Variants in ATP11A observed in about 807,000 individuals in gnomAD.
ATP11A encodes ATPase phospholipid transporting 11A, also known as phospholipid-transporting ATPase IH.
A neutral mutation model predicts 154.4 loss-of-function variants in ATP11A; 81 were observed. That is an observed-to-expected ratio of 0.52 (90% confidence interval 0.44 to 0.63). The LOEUF (loss-of-function observed/expected upper bound fraction) is 0.63. Ranked by LOEUF, ATP11A falls within the 30% of genes least tolerant of loss-of-function variation. The pLI, the probability that ATP11A is intolerant of heterozygous loss-of-function variation, is 0.00. For synonymous variants in ATP11A, 623 were observed against 585.9 expected, an observed-to-expected ratio of 1.06 and a Z score of -0.91; for missense variants, 1,316 against 1,474.3, an observed-to-expected ratio of 0.89 and a Z score of 1.76.
chr13:112,765,836 A>G (rs946722954), intron 1 of ATP11A, among the ~76,000 whole-genome samples: 8 of 152,242 alleles, frequency 5.3e-5, no homozygotes, highest in Non-Finnish European at 1.2e-4. Context: ...CCAACAATAC[A>G]AACGATTTTC....
intron 18 of ATP11A, among the ~76,000 whole-genome samples, chr13:112,852,121 A>G (rs2079784159): frequency 6.6e-6 from 1 of 152,154 alleles, no homozygotes; most frequent in African/African-American, 2.4e-5. Flanking sequence ...TCTGGTCCAC[A>G]TGGTGCCTTC....
chr13:112,880,953 C>T, intron 29 of ATP11A: 1 of 992,468 alleles, frequency 1.0e-6, no homozygotes, highest in Non-Finnish European at 1.2e-6. Context: ...TCGGGGGACA[C>T]AGCTTCACTT....
At chr13:112,854,614 G>A (rs2079870993) in intron 19 of ATP11A, 84 bp downstream of exon 19, 1 of 1,479,878 alleles carries the variant, frequency 6.8e-7, no homozygotes, top group Non-Finnish European at 9.1e-7. Flanking sequence ...AAGTCGGGGA[G>A]CCGCATTGTC....
chr13:112,748,420 C>T (rs1047093871), intron 1 of ATP11A, among the ~76,000 whole-genome samples: 3 of 151,918 alleles, frequency 2.0e-5, no homozygotes, highest in South Asian at 4.1e-4. Flanking sequence ...GGCTGGAGAG[C>T]AATAGCATGA....
chr13:112,865,399 T>C (rs1238535700), intron 25 of ATP11A, among the ~76,000 whole-genome samples: 1 of 152,050 alleles, frequency 6.6e-6, no homozygotes, highest in Non-Finnish European at 1.5e-5. Context: ...GCGGGGTCCA[T>C]CACCACATGT....
chr13:112,842,640 C>T (rs751100304), intron 17 of ATP11A, among the ~76,000 whole-genome samples: 27 of 152,226 alleles, frequency 1.8e-4, no homozygotes, highest in African/African-American at 2.9e-4. Context: ...GTTTTATTTT[C>T]GGGTGGGTGC....
intron 3 of ATP11A, among the ~76,000 whole-genome samples, chr13:112,805,582 A>T (rs1461849651): frequency 6.6e-6 from 1 of 151,312 alleles, no homozygotes; most frequent in Non-Finnish European, 1.5e-5. Context: ...AGGCTGAGGC[A>T]GGAGAATCAC....
chr13:112,722,268 CGG>C (rs1889287062), intron 1 of ATP11A, among the ~76,000 whole-genome samples: 1 of 10,614 alleles, frequency 9.4e-5, no homozygotes, highest in Non-Finnish European at 1.7e-4. Flanking sequence ...GTAAGTGGGC[CGG>C]CGGGGGGTAG....
chr13:112,853,281 T>C (rs900586399), intron 18 of ATP11A, among the ~76,000 whole-genome samples: 3 of 151,302 alleles, frequency 2.0e-5, no homozygotes, highest in Non-Finnish European at 4.4e-5. Flanking sequence ...CATATGTACA[T>C]ACACACACAC....
chr13:112,859,533 G>C lies in ATP11A; in HGVS notation c.2727+81G>C, dbSNP rs930046899. ...GTGGGTGGCTGCTGTGGGGAGGGGAGACTTGGGAATGAGCAGCACTCCCCG... is the reference window on the plus strand; with the variant it reads ...GTGGGTGGCTGCTGTGGGGAGGGGACACTTGGGAATGAGCAGCACTCCCCG... On this transcript the variant is annotated intron_variant, in intron 23 of 29. Coordinates refer to ENST00000375645, the MANE Select transcript of ATP11A (RefSeq NM_015205.3). The surrounding 1 kb of genome is among the most constrained non-coding windows in gnomAD (Gnocchi z 4.3). 19 of 1,234,996 alleles carry C rather than the reference G, an allele frequency of 1.5e-5. No homozygotes were observed. Among genetic ancestry groups the C allele is most frequent in the Non-Finnish European group, 2.0e-5 (17 of 836,226 alleles). The allele number at this position is 1,234,996 out of a possible 1,614,324, so 76.5% of individuals were successfully genotyped here. A position where few individuals can be genotyped will look rare whatever the true frequency, so the allele number is the denominator to read the frequency against.
chr13:112,831,505 C>G lies in ATP11A; in HGVS notation c.1352C>G (p.Ser451Ter). Residue 451 changes from serine to a stop codon, truncating the protein, a stop_gained, in exon 13 of 30, where the codon TCA becomes TGA. Coordinates refer to ENST00000375645, the MANE Select transcript of ATP11A (RefSeq NM_015205.3). LOFTEE classifies it high-confidence loss of function. ...AACGGGCAGGTCCTCCCAGAGTCGTCAGGAATCGACATGATTGACTCGTCC... is the reference window on the plus strand; with the variant it reads ...AACGGGCAGGTCCTCCCAGAGTCGTGAGGAATCGACATGATTGACTCGTCC... ...ICNGQVLPES[S>*]GIDMIDSSPS... The G allele has an allele frequency of 6.2e-7, 1 of 1,614,180 alleles. No homozygotes were observed. The highest frequency in any genetic ancestry group is 1.6e-4 in the Middle Eastern group (1 of 6,062).
chr13:112,765,775 AGTG>A (rs2077061006), intron 1 of ATP11A, among the ~76,000 whole-genome samples: 1 of 152,246 alleles, frequency 6.6e-6, no homozygotes, highest in African/African-American at 2.4e-5. Flanking sequence ...AGCCTGCTAC[AGTG>A]GATCTGAAAG....
intron 17 of ATP11A, among the ~76,000 whole-genome samples, chr13:112,842,990 C>T (rs558933673): frequency 9.2e-5 from 14 of 152,378 alleles, no homozygotes; most frequent in Admixed American, 2.0e-4. Context: ...CCCCGTCAGA[C>T]GCGCTAAAGC....
intron 1 of ATP11A, among the ~76,000 whole-genome samples, chr13:112,760,942 C>A (rs1245039208): frequency 6.6e-6 from 1 of 152,166 alleles, no homozygotes; most frequent in African/African-American, 2.4e-5. Context: ...GTTTCAGTTA[C>A]TTGAGATAAC....
rs2080909625 is a variant in ATP11A, at chr13:112,882,517, C to T, written c.*651C>T. The T allele has an allele frequency of 8.7e-6, 4 of 457,462 alleles. No individual in the cohort carries two copies. Among genetic ancestry groups the T allele is most frequent in the Non-Finnish European group, 1.5e-5 (4 of 262,780 alleles). 28.3% of individuals were successfully genotyped at this position (457,462 alleles called of 1,614,324 possible). A position where few individuals can be genotyped will look rare whatever the true frequency, so the allele number is the denominator to read the frequency against. ...TGGGAAGGGCCGGGTCACTCGGATA[C>T]CATCATCCCTGCGGATGCACCGCCG... On this transcript the variant is annotated 3_prime_UTR_variant, in exon 30 of 30. Coordinates refer to ENST00000375645, the MANE Select transcript of ATP11A (RefSeq NM_015205.3). This position sits in a 1 kb window ranked among gnomAD's most constrained non-coding sequence, Gnocchi z 5.1.
At chr13:112,693,690 G>T (rs903783904) in intron 1 of ATP11A, among the ~76,000 whole-genome samples, 1 of 152,150 alleles carries the variant, frequency 6.6e-6, no homozygotes, top group Non-Finnish European at 1.5e-5. Context: ...GGTGGCTCAT[G>T]CCTGTAATCC....
At chr13:112,799,869 GAAAT>G (rs2078088723) in intron 2 of ATP11A, among the ~76,000 whole-genome samples, 1 of 152,038 alleles carries the variant, frequency 6.6e-6, no homozygotes, top group Non-Finnish European at 1.5e-5. Context: ...AATTAAACTA[GAAAT>G]AAATAAATAA....
rs957328696 is a variant in ATP11A, at chr13:112,883,442, G to A, written c.*1576G>A. The A allele has an allele frequency of 3.7e-5, 14 of 374,260 alleles. No individual in the cohort carries two copies. The highest frequency in any genetic ancestry group is 2.9e-4 in the South Asian group (2 of 6,812). The allele number at this position is 374,260 out of a possible 1,614,324, so 23.2% of individuals were successfully genotyped here. A position where few individuals can be genotyped will look rare whatever the true frequency, so the allele number is the denominator to read the frequency against. ...AGGAGCCGGCCCTCACGCCCGCCCC[G>A]CGCCACGCTGTGGAACGGGGCTCCG... On this transcript the variant is annotated 3_prime_UTR_variant, in exon 30 of 30. Transcript: ENST00000375645.
rs559957194 is a variant in ATP11A, at chr13:112,746,097, T to G, written c.40-39038T>G. 1 of 151,534 alleles carries G rather than the reference T, an allele frequency of 6.6e-6. No homozygotes were observed. The highest frequency in any genetic ancestry group is 1.9e-4 in the East Asian group (1 of 5,186). The allele number at this position is 151,534 out of a possible 1,614,324, so 9.4% of individuals were successfully genotyped here. ...TTGTCCGTTCACCTGTGATGGACTC[T>G]TGGGCGTCTGCCGTAGGCCGCTGTG... is the stretch of plus-strand genomic sequence containing the variant. On this transcript the variant is annotated intron_variant, in intron 1 of 29. Transcript: ENST00000375645. The surrounding 1 kb of genome is among the most constrained non-coding windows in gnomAD (Gnocchi z 4.1).
Sources: allele counts gnomAD v4.1 joint callset (sites outside exome capture counted in the v4.1 genomes callset), GRCh38; gene constraint gnomAD v4.1.1; non-coding constraint Gnocchi (gnomAD v3.1); transcripts MANE v1.5; gene names NCBI Gene and HGNC (gene_info 2026-07-23, HGNC 2026-07-21).